ASMTL: variants seen among roughly 807,000 people sequenced by gnomAD.
ASMTL encodes the protein acetylserotonin O-methyltransferase like.
Under a neutral mutation model 60.3 loss-of-function variants are expected in ASMTL, and 57 were observed. The observed-to-expected ratio is 0.95, with a 90% CI of 0.76 to 1.18. ASMTL has a LOEUF of 1.18. Among genes scored for constraint, ASMTL ranks in the 50% most tolerant of loss-of-function variants. The probability of loss-of-function intolerance (pLI) is 0.00; values close to 1 mark genes in which losing one functional copy is unlikely to be tolerated. For synonymous variants in ASMTL, 419 were observed against 373.0 expected, an observed-to-expected ratio of 1.12 and a Z score of -1.42; for missense variants, 981 against 852.6, an observed-to-expected ratio of 1.15 and a Z score of -1.88.
chrX:1,433,395 G>A (rs1452786362), intron 5 of ASMTL, among the ~76,000 whole-genome samples: 2 of 151,076 alleles, frequency 1.3e-5, no homozygotes, highest in African/African-American at 2.4e-5. Flanking sequence ...ACCGCGCGCG[G>A]TGGCTCACGC....
At chrX:1,417,714 G>A (rs777097678) in intron 11 of ASMTL, among the ~76,000 whole-genome samples, 10 of 85,988 alleles carry the variant, frequency 1.2e-4, no homozygotes, top group Admixed American at 4.6e-4. Flanking sequence ...ACACACATGC[G>A]GATGCAGACA....
chrX:1,405,090 GAGAT>G (rs1417179506), intron 12 of ASMTL, among the ~76,000 whole-genome samples: 1 of 151,670 alleles, frequency 6.6e-6, no homozygotes, highest in African/African-American at 2.4e-5. Flanking sequence ...ATGCATGGAT[GAGAT>G]GGATGGATGA....
chrX:1,422,759 G>A (rs2090515788), intron 8 of ASMTL, among the ~76,000 whole-genome samples: 1 of 152,048 alleles, frequency 6.6e-6, no homozygotes, highest in African/African-American at 2.4e-5. Context: ...GTTTGCTATA[G>A]TCAGATAGAT....
chrX:1,441,964 A>G (rs2091119157), intron 2 of ASMTL: 1 of 562,680 alleles, frequency 1.8e-6, no homozygotes, highest in Non-Finnish European at 3.2e-6. Flanking sequence ...AGAGAATATT[A>G]TAACACACAG....
intron 11 of ASMTL, among the ~76,000 whole-genome samples, chrX:1,417,411 C>CACAA (rs780901738): frequency 1.3e-5 from 2 of 151,184 alleles, no homozygotes; most frequent in East Asian, 3.9e-4. Context: ...GACACGTGGA[C>CACAA]ACACAGTCTC....
intron 7 of ASMTL, 83 bp from the exon 8 acceptor site, chrX:1,425,770 A>G (rs2149311132): frequency 7.0e-7 from 1 of 1,434,474 alleles, no homozygotes; most frequent in Non-Finnish European, 9.6e-7. Context: ...ATGGAGGCCA[A>G]CGCTGTCGGA....
rs1445683710 is a variant in ASMTL, at chrX:1,416,356, C to A, written c.1522+1617G>T. 2.9e-4 allele frequency among the ~76,000 whole-genome samples: 39 copies of A among 136,676 alleles called. 1 individual carries two copies. Among genetic ancestry groups the A allele is most frequent in the African/African-American group, 1.0e-3 (39 of 37,944 alleles). 89.7% of individuals were successfully genotyped at this position (136,676 alleles called of 152,430 possible). ...ACGGACATACAGATACAGTGACAGG[C>A]ACACACAGACGCAGACATGCACAGA... On this transcript the variant is annotated intron_variant, in intron 11 of 12. Transcript: ENST00000381317.
Position 1,429,545 on chromosome X carries a change from C to A in ASMTL, c.510-1424G>T, listed in dbSNP as rs374586215. 5.3e-5 allele frequency among the ~76,000 whole-genome samples: 8 copies of A among 152,046 alleles called. 2 individuals carry two copies. Among genetic ancestry groups the A allele is most frequent in the Admixed American group, 6.6e-5 (1 of 15,244 alleles). On this transcript the variant is annotated intron_variant, in intron 6 of 12. Transcript: ENST00000381317. ...AGGTGTTGGGCTGGGCGCGGTGGCT[C>A]CCAGCACTTCGGGAGGCTGAGGCAG...
intron 3 of ASMTL, among the ~76,000 whole-genome samples, chrX:1,436,053 T>TCCC (rs1162990148): frequency 2.0e-4 from 31 of 152,284 alleles, no homozygotes; most frequent in Non-Finnish European, 3.1e-4. Context: ...ACCGTGCGTT[T>TCCC]GCCTGTTGCG....
rs779253058 is a variant in ASMTL, at chrX:1,424,056, A to G, written c.1060+1469T>C. ...CATCCATCCACCCACCCACCTACCC[A>G]TCCATCCACCCATCCACTGATGGAT... On this transcript the variant is annotated intron_variant, in intron 8 of 12. Coordinates refer to ENST00000381317, the MANE Select transcript of ASMTL (RefSeq NM_004192.4). Among the ~76,000 whole-genome samples, 4 of 146,374 alleles carry G rather than the reference A, an allele frequency of 2.7e-5. No homozygotes were observed. In the South Asian group the frequency reaches 6.5e-4, roughly 24 times the overall value.
At chrX:1,425,779 G>T in intron 7 of ASMTL, 92 bp from the exon 8 acceptor site, 1 of 1,302,846 alleles carries the variant, frequency 7.7e-7, no homozygotes, top group Non-Finnish European at 1.1e-6. Context: ...AACGCTGTCG[G>T]AAGTATACAA....
rs766738411 is a variant in ASMTL at position 1,435,714 on chromosome X, G to T, written c.318C>A (p.Asp106Glu). The stretch of plus-strand genomic sequence containing the variant: ...CTTACCGGGACAGCATCCTGTAGGC[G>T]TCCTGCTTGTCCACCGGCTTCTCCA... Reference protein sequence around the residue: ...LILEKPVDKQDAYRMLSRLSG... With the variant: ...LILEKPVDKQEAYRMLSRLSG... The change falls in exon 4 of 13, where the codon GAC becomes GAA. Residue 106 changes from aspartate to glutamate, a missense_variant. Transcript: ENST00000381317. 1 of 1,613,426 alleles carries T rather than the reference G, an allele frequency of 6.2e-7. No individual in the cohort carries two copies. Among genetic ancestry groups the T allele is most frequent in the Non-Finnish European group, 8.5e-7 (1 of 1,179,836 alleles).
chrX:1,427,083 G>C (rs2090633354), intron 7 of ASMTL, among the ~76,000 whole-genome samples: 1 of 152,218 alleles, frequency 6.6e-6, no homozygotes, highest in Non-Finnish European at 1.5e-5. Flanking sequence ...CAGTGGATTA[G>C]GGAGACCTCA....
chrX:1,419,152 CG>C, intron 9 of ASMTL, 38 bp from the exon 10 acceptor site: 1 of 1,604,602 alleles, frequency 6.2e-7, no homozygotes, highest in Non-Finnish European at 8.5e-7. Flanking sequence ...CCAGAGAACA[CG>C]GGGCGAGGGC....
In ASMTL at chrX:1,450,158, G is replaced by A. The variant is rs188685049; in HGVS notation, c.93+2590C>T. Reference sequence around the variant, plus strand: ...TATCCCACATCACCTATAACTATCCGCCTGTCACCAGTAACTACCCCCCAT... The same window carrying A: ...TATCCCACATCACCTATAACTATCCACCTGTCACCAGTAACTACCCCCCAT... On this transcript the variant is annotated intron_variant, in intron 1 of 12. Coordinates refer to ENST00000381317, the MANE Select transcript of ASMTL (RefSeq NM_004192.4). Among the ~76,000 whole-genome samples the A allele has an allele frequency of 1.3e-3, 194 of 150,218 alleles. 2 individuals carry two copies. Among genetic ancestry groups the A allele is most frequent in the Middle Eastern group, 0.011 (3 of 276 alleles).
chrX:1,452,150 C>G (rs772017984), intron 1 of ASMTL, among the ~76,000 whole-genome samples: 1 of 145,092 alleles, frequency 6.9e-6, no homozygotes. Flanking sequence ...CCCTAGGGGT[C>G]CCGGGTTATT....
chrX:1,410,539 G>A (rs1182494050), intron 12 of ASMTL, among the ~76,000 whole-genome samples: 1 of 151,954 alleles, frequency 6.6e-6, no homozygotes, highest in African/African-American at 2.4e-5. Flanking sequence ...TCAGCCTCCT[G>A]AGTAGCTAGA....
intron 4 of ASMTL, 62 bp from the exon 5 acceptor site, chrX:1,435,145 G>A: frequency 6.3e-7 from 1 of 1,582,206 alleles, no homozygotes; most frequent in South Asian, 1.1e-5. Context: ...TACAAAGCGA[G>A]TTTCTCAAAA....
intron 11 of ASMTL, among the ~76,000 whole-genome samples, chrX:1,416,745 T>TGCACACACAGACA (rs2090290739): frequency 2.0e-5 from 2 of 100,312 alleles, no homozygotes; most frequent in African/African-American, 7.3e-5. Context: ...ACACAGTCAG[T>TGCACACACAGACA]CATGCACACA....
Sources: gnomAD v4.1 joint callset for allele counts (sites outside exome capture counted in the v4.1 genomes callset) on GRCh38, gnomAD v4.1.1 for gene constraint, MANE v1.5 for transcripts, NCBI Gene and HGNC (gene_info 2026-07-23, HGNC 2026-07-21) for gene names.